The following TEX2 variants were observed in gnomAD, a reference collection of about 807,000 sequenced individuals.
TEX2 encodes the protein testis-expressed protein 2.
In TEX2, 53 loss-of-function variants were observed where a neutral mutation model predicts 106.9. The observed-to-expected ratio is 0.50, with a 90% CI of 0.40 to 0.62. The LOEUF is 0.62. Ranked by LOEUF, TEX2 falls within the 20% of genes least tolerant of loss-of-function variation. TEX2 has a pLI of 0.00. For missense variants in TEX2, 1,207 were observed against 1,379.0 expected, an observed-to-expected ratio of 0.88 and a Z score of 1.98; for synonymous variants, 523 against 534.8, an observed-to-expected ratio of 0.98 and a Z score of 0.30.
At chr17:64,233,374 C>A (rs1431605456) in intron 1 of TEX2, among the ~76,000 whole-genome samples, 1 of 152,058 alleles carries the variant, frequency 6.6e-6, no homozygotes, top group Non-Finnish European at 1.5e-5. Flanking sequence ...GAGTTCAAGA[C>A]CAGCCTGGCC....
intron 7 of TEX2, among the ~76,000 whole-genome samples, chr17:64,169,200 G>C (rs927575620): frequency 6.6e-6 from 1 of 152,012 alleles, no homozygotes; most frequent in South Asian, 2.1e-4. Context: ...CACCATGCCC[G>C]GCTGACTTTT....
At chr17:64,262,098 G>T (rs2034297319) in intron 1 of TEX2, among the ~76,000 whole-genome samples, 1 of 152,236 alleles carries the variant, frequency 6.6e-6, no homozygotes, top group East Asian at 1.9e-4. Context: ...CTCAAAACAT[G>T]TAAAAGCCTC....
Position 64,153,186 on chromosome 17 carries a change from A to C in TEX2, c.2931-32T>G. The stretch of plus-strand genomic sequence containing the variant: ...ATGTGGAACACAAAGGGCGGTTAGC[A>C]CAAACTTTGCTCTTTTCACAGACAA... On this transcript the variant is annotated intron_variant, in intron 9 of 11. Transcript: ENST00000584379. This position sits in a 1 kb window ranked among gnomAD's most constrained non-coding sequence, Gnocchi z 4.1. 1 of 1,531,830 alleles carries C rather than the reference A, an allele frequency of 6.5e-7. No individual in the cohort carries two copies. Among genetic ancestry groups the C allele is most frequent in the African/African-American group, 1.4e-5 (1 of 72,932 alleles). 94.9% of individuals were successfully genotyped at this position (1,531,830 alleles called of 1,614,324 possible).
chr17:64,263,257 T>TCCTGCTGC lies in TEX2; in HGVS notation c.-116_-115insGCAGCAGG, dbSNP rs2034333490. 1 of 148,756 alleles carries TCCTGCTGC rather than the reference T, an allele frequency of 6.7e-6. No homozygotes were observed. The highest frequency in any genetic ancestry group is 1.9e-4 in the South Asian group (1 of 5,348). The allele number at this position is 148,756 out of a possible 1,614,324, so 9.2% of individuals were successfully genotyped here. On this transcript the variant is annotated 5_prime_UTR_variant, in exon 1 of 12. Coordinates refer to ENST00000584379, the MANE Select transcript of TEX2 (RefSeq NM_001288732.2). ...GCTTCGGCTGGGGCACCGGCCGCGG[T>TCCTGCTGC]CCTGCTGCCCTGCCGCCCGCCCGCC...
At chr17:64,187,113 G>A (rs567184844) in intron 5 of TEX2, among the ~76,000 whole-genome samples, 9 of 152,330 alleles carry the variant, frequency 5.9e-5, no homozygotes, top group African/African-American at 2.2e-4. Context: ...TTGCAGGACT[G>A]TTCAAGAGAG....
intron 5 of TEX2, among the ~76,000 whole-genome samples, chr17:64,187,473 C>A (rs2032119648): frequency 6.6e-6 from 1 of 152,160 alleles, no homozygotes; most frequent in Non-Finnish European, 1.5e-5. Flanking sequence ...CACCTACTGT[C>A]ACTACCTTCA....
At chr17:64,202,353 G>A (rs1445954628) in intron 2 of TEX2, among the ~76,000 whole-genome samples, 1 of 152,134 alleles carries the variant, frequency 6.6e-6, no homozygotes, top group Non-Finnish European at 1.5e-5. Flanking sequence ...CTCAGGACAA[G>A]AGGCTGAGGC....
intron 4 of TEX2, among the ~76,000 whole-genome samples, chr17:64,192,539 A>T (rs1243924440): frequency 2.0e-5 from 3 of 152,214 alleles, no homozygotes; most frequent in Non-Finnish European, 2.9e-5. Flanking sequence ...ACTGTGAGAG[A>T]ATACATTTCT....
chr17:64,165,264 A>T (rs1057159578), intron 7 of TEX2, among the ~76,000 whole-genome samples: 5 of 152,240 alleles, frequency 3.3e-5, no homozygotes, highest in Non-Finnish European at 5.9e-5. Flanking sequence ...ACAGAAAATT[A>T]GCAATTCCTT....
chr17:64,188,555 G>A (rs895045353), intron 4 of TEX2, 140 bp from the exon 5 acceptor site: 7 of 1,357,454 alleles, frequency 5.2e-6, no homozygotes, highest in East Asian at 2.5e-5. Context: ...GGTGGCTCAC[G>A]CCTGTAATCC....
intron 5 of TEX2, among the ~76,000 whole-genome samples, chr17:64,180,949 G>A (rs77884941): frequency 0.026 from 4,020 of 152,176 alleles, 160 homozygotes; most frequent in African/African-American, 0.092. Context: ...CCAGTGTACC[G>A]CCAGGGGGGT....
rs2032878428 is a variant in TEX2 at position 64,207,764 on chromosome 17, C to T, written c.1644+4810G>A. Among the ~76,000 whole-genome samples the T allele has an allele frequency of 2.0e-5, 3 of 149,764 alleles. No individual in the cohort carries two copies. The South Asian group carries it at 6.3e-4, about 32-fold the overall frequency. On this transcript the variant is annotated intron_variant, in intron 2 of 11. Transcript: ENST00000584379. ...TTCTTTTTTTTTTTTGAGACGGAGT[C>T]TCGCTCTGTCACTCAGGCTGGAGGG...
At chr17:64,256,116 C>G (rs2034179341) in intron 1 of TEX2, 1 of 152,240 alleles carries the variant, frequency 6.6e-6, no homozygotes, top group East Asian at 1.9e-4. Context: ...GATACACCTA[C>G]TCAGCTGTCT....
At chr17:64,169,512 G>A (rs1034495857) in intron 7 of TEX2, among the ~76,000 whole-genome samples, 3 of 152,188 alleles carry the variant, frequency 2.0e-5, no homozygotes, top group African/African-American at 7.2e-5. Flanking sequence ...AGCTCAACAT[G>A]CAGGAATTAG....
rs3841655 is a variant in TEX2 at position 64,193,463 on chromosome 17, G to GCTTCCTTCCTTC, written c.2176+84_2176+95dup. On this transcript the variant is annotated intron_variant, in intron 4 of 11. Transcript: ENST00000584379. ...GCAGACAACCATCAGTTCAGGGTGG[G>GCTTCCTTCCTTC]CTTCCTTCCTTCCTTCCTTCCTACC... 2,965 of 994,036 alleles carry GCTTCCTTCCTTC rather than the reference G, an allele frequency of 3.0e-3. 8 individuals are homozygous for GCTTCCTTCCTTC. The highest frequency in any genetic ancestry group is 3.7e-3 in the Non-Finnish European group (2,634 of 709,880). The allele number at this position is 994,036 out of a possible 1,614,324, so 61.6% of individuals were successfully genotyped here.
chr17:64,260,214 TCTCTGAACATCTCTGAACCTGACCA>T (rs2143537811), intron 1 of TEX2, among the ~76,000 whole-genome samples: 1 of 152,318 alleles, frequency 6.6e-6, no homozygotes, highest in African/African-American at 2.4e-5. Flanking sequence ...GTGCAGCAAT[TCTCTGAACATCTCTGAACCTGACCA>T]CTCTGAACAT....
chr17:64,167,731 A>G (rs748890007), intron 7 of TEX2, among the ~76,000 whole-genome samples: 12 of 152,140 alleles, frequency 7.9e-5, no homozygotes, highest in Non-Finnish European at 1.2e-4. Flanking sequence ...AGACAGGAGA[A>G]TCACTTGAAC....
intron 6 of TEX2, 115 bp downstream of exon 6, chr17:64,177,210 C>T: frequency 8.2e-7 from 1 of 1,213,950 alleles, no homozygotes; most frequent in Non-Finnish European, 1.2e-6. Context: ...AACTTACTAC[C>T]CTCATATGTT....
chr17:64,178,537 T>A (rs191395751), intron 5 of TEX2, among the ~76,000 whole-genome samples: 1 of 152,240 alleles, frequency 6.6e-6, no homozygotes, highest in African/African-American at 2.4e-5. Context: ...CCATCCTCTA[T>A]CTGCTCTGTC....
Sources: gnomAD v4.1 joint callset for allele counts (sites outside exome capture counted in the v4.1 genomes callset) on GRCh38, gnomAD v4.1.1 for gene constraint, Gnocchi (gnomAD v3.1) non-coding constraint, MANE v1.5 for transcripts, NCBI Gene and HGNC (gene_info 2026-07-23, HGNC 2026-07-21) for gene names.